Variants in RERE observed in about 807,000 individuals in gnomAD.
The protein encoded by RERE is arginine-glutamic acid dipeptide repeats protein.
RERE carries 40 observed loss-of-function variants against 146.1 expected under a neutral mutation model. The observed-to-expected ratio is 0.27, with a 90% CI of 0.21 to 0.36. RERE has a LOEUF of 0.36. RERE is among the 10% of genes least tolerant of loss of function. The probability of loss-of-function intolerance (pLI) is 1.00; values close to 1 mark genes in which losing one functional copy is unlikely to be tolerated. For synonymous variants in RERE, 1,003 were observed against 866.0 expected, an observed-to-expected ratio of 1.16 and a Z score of -2.78; for missense variants, 1,933 against 2,138.7, an observed-to-expected ratio of 0.90 and a Z score of 1.90.
At chr1:8,370,224 T>C (rs188135344) in intron 12 of RERE, among the ~76,000 whole-genome samples, 1 of 151,604 alleles carries the variant, frequency 6.6e-6, no homozygotes, top group African/African-American at 2.4e-5. Flanking sequence ...CACCGACACA[T>C]GCAGCAACAC....
At chr1:8,704,024 T>C (rs1383944807) in intron 1 of RERE, among the ~76,000 whole-genome samples, 1 of 152,212 alleles carries the variant, frequency 6.6e-6, no homozygotes, top group African/African-American at 2.4e-5. Flanking sequence ...TTGAAATTCA[T>C]CTAATAAGGA....
chr1:8,777,121 T>C (rs1249668959), intron 1 of RERE, among the ~76,000 whole-genome samples: 1 of 152,178 alleles, frequency 6.6e-6, no homozygotes, highest in Non-Finnish European at 1.5e-5. Context: ...AATAAGCACT[T>C]CACCTTTGAA....
At chr1:8,415,826 T>C (rs1409366101) in intron 12 of RERE, among the ~76,000 whole-genome samples, 1 of 152,224 alleles carries the variant, frequency 6.6e-6, no homozygotes, top group Admixed American at 6.5e-5. Flanking sequence ...AGCACAGGAA[T>C]AGCTATAGGA....
At chr1:8,792,926 G>A (rs1246502705) in intron 1 of RERE, among the ~76,000 whole-genome samples, 4 of 152,148 alleles carry the variant, frequency 2.6e-5, no homozygotes, top group East Asian at 3.9e-4. Flanking sequence ...GGAGGCCGAG[G>A]TGGGCGGATC....
chr1:8,655,841 C>G, intron 2 of RERE, 132 bp downstream of exon 2: 1 of 1,481,876 alleles, frequency 6.7e-7, no homozygotes, highest in South Asian at 1.4e-5. Context: ...CACATGTTTA[C>G]CAAATTAAGT....
intron 12 of RERE, among the ~76,000 whole-genome samples, chr1:8,396,320 C>A (rs1047308604): frequency 1.3e-5 from 2 of 152,148 alleles, no homozygotes; most frequent in Non-Finnish European, 2.9e-5. Flanking sequence ...AGTTGAAGAA[C>A]GTGACATGGA....
chr1:8,464,531 A>C (rs1409355958), intron 11 of RERE, among the ~76,000 whole-genome samples: 1 of 152,176 alleles, frequency 6.6e-6, no homozygotes, highest in African/African-American at 2.4e-5. Context: ...TGTGGGGCAC[A>C]TCACCATGCC....
At chr1:8,773,594 G>C (rs1005349218) in intron 1 of RERE, among the ~76,000 whole-genome samples, 3 of 152,158 alleles carry the variant, frequency 2.0e-5, no homozygotes, top group Non-Finnish European at 4.4e-5. Context: ...GGGAGGCCAG[G>C]GTGGGCGAAT....
intron 3 of RERE, among the ~76,000 whole-genome samples, chr1:8,616,587 G>C (rs1210176410): frequency 6.6e-6 from 1 of 151,798 alleles, no homozygotes; most frequent in African/African-American, 2.4e-5. Flanking sequence ...TTTCTGCATT[G>C]AAAAAAATTT....
Position 8,516,227 on chromosome 1 carries a change from G to GAAAAAA in RERE, c.831-7558_831-7553dup, listed in dbSNP as rs58064164. On this transcript the variant is annotated intron_variant, in intron 7 of 22. Transcript: ENST00000400908. ...GGGACGGAGCAAGACTCTCTCAGAGGAAAAAAAAAAAAAAAAAAAAAATCT... is the reference window on the plus strand; with the variant it reads ...GGGACGGAGCAAGACTCTCTCAGAGGAAAAAAAAAAAAAAAAAAAAAAAAAAAATCT... 3.1e-3 allele frequency among the ~76,000 whole-genome samples: 161 copies of GAAAAAA among 52,254 alleles called. 6 individuals carry two copies. The highest frequency in any genetic ancestry group is 7.0e-3 in the African/African-American group (81 of 11,610). 34.3% of individuals were successfully genotyped at this position (52,254 alleles called of 152,430 possible). A position where few individuals can be genotyped will look rare whatever the true frequency, so the allele number is the denominator to read the frequency against.
intron 1 of RERE, among the ~76,000 whole-genome samples, chr1:8,658,016 G>GT (rs1638362758): frequency 6.6e-6 from 1 of 152,126 alleles, no homozygotes; most frequent in South Asian, 2.1e-4. Flanking sequence ...AAGTCTTGAG[G>GT]TTTTTAAGCG....
chr1:8,789,301 A>AAAAAAATATATATATATAT, intron 1 of RERE, among the ~76,000 whole-genome samples: 1 of 24,826 alleles, frequency 4.0e-5, no homozygotes, highest in African/African-American at 2.3e-4. Context: ...AAAAAAAAAA[A>AAAAAAATATATATATATAT]ATATATATAT....
chr1:8,443,464 A>AG (rs1206292305), intron 11 of RERE, among the ~76,000 whole-genome samples: 3 of 150,240 alleles, frequency 2.0e-5, no homozygotes, highest in Non-Finnish European at 4.4e-5. Context: ...AAAAAGAAAA[A>AG]AAAAAAAAAA....
chr1:8,455,273 G>A (rs1644441033), intron 11 of RERE, among the ~76,000 whole-genome samples: 2 of 151,864 alleles, frequency 1.3e-5, no homozygotes, highest in South Asian at 2.1e-4. Flanking sequence ...ACAGGGTATC[G>A]CTCTGTCACC....
chr1:8,493,865 C>T (rs939115839), intron 10 of RERE, among the ~76,000 whole-genome samples: 3 of 152,164 alleles, frequency 2.0e-5, no homozygotes, highest in Non-Finnish European at 2.9e-5. Context: ...CCATAAATAT[C>T]ATTAGCTCTT....
chr1:8,411,091 G>A (rs1366577218), intron 12 of RERE, among the ~76,000 whole-genome samples: 5 of 152,296 alleles, frequency 3.3e-5, no homozygotes, highest in Non-Finnish European at 2.9e-5. Context: ...ACAGAGTACT[G>A]TACAAAAGAA....
chr1:8,507,321 G>A (rs932479144), intron 8 of RERE, among the ~76,000 whole-genome samples: 1 of 152,186 alleles, frequency 6.6e-6, no homozygotes, highest in African/African-American at 2.4e-5. Flanking sequence ...TGTAATAAAT[G>A]CAATGAAATA....
At chr1:8,762,315 G>A (rs1640770744) in intron 1 of RERE, among the ~76,000 whole-genome samples, 1 of 152,166 alleles carries the variant, frequency 6.6e-6, no homozygotes, top group Non-Finnish European at 1.5e-5. Context: ...TGAACTGTGA[G>A]TCTCCCACAA....
intron 7 of RERE, among the ~76,000 whole-genome samples, chr1:8,509,009 G>T (rs1236626322): frequency 6.6e-6 from 1 of 152,078 alleles, no homozygotes; most frequent in Non-Finnish European, 1.5e-5. Flanking sequence ...CCGCCTCTTG[G>T]GTTCAATTGA....
Sources: gnomAD v4.1 joint callset for allele counts (sites outside exome capture counted in the v4.1 genomes callset) on GRCh38, gnomAD v4.1.1 for gene constraint, MANE v1.5 for transcripts, NCBI Gene and HGNC (gene_info 2026-07-23, HGNC 2026-07-21) for gene names.